Variants in RTN1 observed in about 807,000 individuals in gnomAD.
The protein encoded by RTN1 is reticulon-1.
RTN1 carries 25 observed loss-of-function variants against 65.5 expected under a neutral mutation model. The observed-to-expected ratio is 0.38, with a 90% confidence interval of 0.28 to 0.53. The LOEUF (loss-of-function observed/expected upper bound fraction) is 0.53. RTN1 is among the 20% of genes least tolerant of loss of function. RTN1 has a pLI of 0.79. For missense variants in RTN1, 983 were observed against 1,025.4 expected (o/e 0.96, Z 0.57); for synonymous variants, 471 against 447.6 (o/e 1.05, Z -0.66).
chr14:59,730,283 G>C (rs573048283), intron 2 of RTN1, among the ~76,000 whole-genome samples: 1 of 152,148 alleles, frequency 6.6e-6, no homozygotes, highest in East Asian at 1.9e-4. Flanking sequence ...TTATATTTTG[G>C]GGCATGAGAA....
At chr14:59,683,329 A>G (rs1277971818) in intron 3 of RTN1, among the ~76,000 whole-genome samples, 12 of 152,158 alleles carry the variant, frequency 7.9e-5, no homozygotes, top group Non-Finnish European at 1.8e-4. Context: ...TATAACTGAC[A>G]TGGAAAATAC....
chr14:59,774,361 G>C lies in RTN1; in HGVS notation c.242-27880C>G, dbSNP rs1013734706. Among the ~76,000 whole-genome samples, 1 of 152,118 alleles carries C rather than the reference G, an allele frequency of 6.6e-6. No individual in the cohort carries two copies. The highest frequency in any genetic ancestry group is 1.5e-5 in the Non-Finnish European group (1 of 68,018). ...GATTTATAATCTATACAACACTATA[G>C]ATTATTATAATTTGGCTCTGAAGGG... On this transcript the variant is annotated intron_variant, in intron 1 of 8. Transcript: ENST00000267484. This position sits in a 1 kb window ranked among gnomAD's most constrained non-coding sequence, Gnocchi z 5.1.
rs753925481 is a variant in RTN1, at chr14:59,803,510, A to G, written c.242-57029T>C. Among the ~76,000 whole-genome samples the G allele has an allele frequency of 6.6e-6, 1 of 152,090 alleles. No individual in the cohort carries two copies. Among genetic ancestry groups the G allele is most frequent in the Non-Finnish European group, 1.5e-5 (1 of 68,014 alleles). On this transcript the variant is annotated intron_variant, in intron 1 of 8. Coordinates refer to ENST00000267484, the MANE Select transcript of RTN1 (RefSeq NM_021136.3). The surrounding 1 kb of genome is among the most constrained non-coding windows in gnomAD (Gnocchi z 5.6). ...GCCTGAATTATTCAAGTTAAATACA[A>G]CCTTCTTTGCAGGGTCTTGTCTCCC...
At chr14:59,697,482 T>C (rs1884086679) in intron 3 of RTN1, among the ~76,000 whole-genome samples, 1 of 152,110 alleles carries the variant, frequency 6.6e-6, no homozygotes, top group Non-Finnish European at 1.5e-5. Flanking sequence ...GGATTTGAGC[T>C]CTCAAATCTG....
intron 3 of RTN1, among the ~76,000 whole-genome samples, chr14:59,629,792 TTCTTTCCCTCC>T (rs1222329329): frequency 6.6e-6 from 1 of 152,160 alleles, no homozygotes; most frequent in Admixed American, 6.5e-5. Context: ...CACTGTTTCG[TTCTTTCCCTCC>T]ATTTATTTCA....
intron 1 of RTN1, among the ~76,000 whole-genome samples, chr14:59,841,064 G>A (rs1414840655): frequency 6.6e-6 from 1 of 152,124 alleles, no homozygotes; most frequent in Non-Finnish European, 1.5e-5. Context: ...TATTTAAAAA[G>A]TCTGGATAAT....
chr14:59,673,235 C>T (rs921442956), intron 3 of RTN1, among the ~76,000 whole-genome samples: 5 of 152,160 alleles, frequency 3.3e-5, no homozygotes, highest in African/African-American at 1.2e-4. Context: ...TCTGAGCCCC[C>T]AAGAAATGTT....
At chr14:59,710,246 C>T (rs946005216) in intron 3 of RTN1, among the ~76,000 whole-genome samples, 8 of 151,892 alleles carry the variant, frequency 5.3e-5, no homozygotes, top group Non-Finnish European at 1.0e-4. Flanking sequence ...GGGGTTTTGT[C>T]ATGTTGCTAA....
chr14:59,729,640 C>G (rs903314404), intron 2 of RTN1, among the ~76,000 whole-genome samples: 1 of 152,184 alleles, frequency 6.6e-6, no homozygotes, highest in African/African-American at 2.4e-5. Context: ...TCTGTACCTC[C>G]AGAGCACTGC....
Position 59,673,167 on chromosome 14 carries a change from C to A in RTN1, c.1765+53752G>T, listed in dbSNP as rs977764780. Among the ~76,000 whole-genome samples, 176 of 152,118 alleles carry A rather than the reference C, an allele frequency of 1.2e-3. 3 individuals carry two copies. Among genetic ancestry groups the A allele is most frequent in the Admixed American group, 7.2e-4 (11 of 15,274 alleles). On this transcript the variant is annotated intron_variant, in intron 3 of 8. Transcript: ENST00000267484. ...TACAGGATCCCTTTGGTACTACTTC[C>A]CCAGCTGGAAATCTCTGTAGCCACT...
At chr14:59,730,035 G>A (rs996568256) in intron 2 of RTN1, among the ~76,000 whole-genome samples, 1 of 152,154 alleles carries the variant, frequency 6.6e-6, no homozygotes, top group Admixed American at 6.5e-5. Context: ...TTAAGGCTTT[G>A]GCATCATTTG....
intron 1 of RTN1, among the ~76,000 whole-genome samples, chr14:59,762,159 C>G (rs969354108): frequency 3.3e-5 from 5 of 152,088 alleles, no homozygotes; most frequent in Admixed American, 3.3e-4. Context: ...TTCATGGTTA[C>G]AGCATTCCAT....
rs10133755 is a variant in RTN1 at position 59,816,882 on chromosome 14, G to A, written c.241+53508C>T. ...TGAGAGGCGGAGGTTGCAGTGAGTC[G>A]AGATCGCGCCACTGTACTCCAGCCT... On this transcript the variant is annotated intron_variant, in intron 1 of 8. Transcript: ENST00000267484. The surrounding 1 kb of genome is among the most constrained non-coding windows in gnomAD (Gnocchi z 4.3). Among the ~76,000 whole-genome samples, 4,549 of 152,170 alleles carry A rather than the reference G, an allele frequency of 0.03. 241 individuals carry two copies. The highest frequency in any genetic ancestry group is 0.1 in the African/African-American group (4,239 of 41,468).
intron 3 of RTN1, among the ~76,000 whole-genome samples, chr14:59,610,779 T>C (rs1283388024): frequency 6.6e-6 from 1 of 152,236 alleles, no homozygotes; most frequent in Non-Finnish European, 1.5e-5. Context: ...TTAGGAGTCA[T>C]GCAGCTGGAG....
At chr14:59,674,157 A>T (rs1472967905) in intron 3 of RTN1, among the ~76,000 whole-genome samples, 1 of 152,194 alleles carries the variant, frequency 6.6e-6, no homozygotes, top group African/African-American at 2.4e-5. Context: ...GAAGTCCACA[A>T]GAGAAACAGA....
intron 3 of RTN1, among the ~76,000 whole-genome samples, chr14:59,713,202 C>T (rs1030492547): frequency 2.0e-5 from 3 of 152,030 alleles, no homozygotes; most frequent in Admixed American, 2.0e-4. Context: ...TTCTTTAACG[C>T]AGTGAAAAGG....
At chr14:59,768,983 T>C (rs973294222) in intron 1 of RTN1, among the ~76,000 whole-genome samples, 7 of 152,194 alleles carry the variant, frequency 4.6e-5, no homozygotes, top group Non-Finnish European at 1.0e-4. Flanking sequence ...CAAAGGATTC[T>C]GTAGGATGTA....
chr14:59,609,058 G>A (rs551709275), intron 3 of RTN1, among the ~76,000 whole-genome samples: 6 of 152,166 alleles, frequency 3.9e-5, no homozygotes, highest in African/African-American at 7.2e-5. Context: ...GCCGAGGCAG[G>A]TGGATCATCT....
chr14:59,760,190 G>A (rs1436307254), intron 1 of RTN1, among the ~76,000 whole-genome samples: 1 of 152,120 alleles, frequency 6.6e-6, no homozygotes, highest in Non-Finnish European at 1.5e-5. Flanking sequence ...CATTATTGAA[G>A]ATTTCCAGAT....
Sources: gnomAD v4.1 joint callset for allele counts (sites outside exome capture counted in the v4.1 genomes callset) on GRCh38, gnomAD v4.1.1 for gene constraint, Gnocchi (gnomAD v3.1) non-coding constraint, MANE v1.5 for transcripts, NCBI Gene and HGNC (gene_info 2026-07-23, HGNC 2026-07-21) for gene names.